KIRREL3: variants seen among roughly 807,000 people sequenced by gnomAD.
KIRREL3 encodes kirre like nephrin family adhesion molecule 3.
KIRREL3 carries 36 observed loss-of-function variants against 89.7 expected under a neutral mutation model. That is an observed-to-expected ratio of 0.40 (90% CI 0.31 to 0.53). KIRREL3 has a LOEUF of 0.53. Ranked by LOEUF, KIRREL3 falls within the 20% of genes least tolerant of loss-of-function variation. The pLI is 0.49. For synonymous variants in KIRREL3, 445 were observed against 441.4 expected (o/e 1.01, Z -0.10); for missense variants, 864 against 1,056.6 (o/e 0.82, Z 2.53).
intron 1 of KIRREL3, among the ~76,000 whole-genome samples, chr11:126,746,012 T>C (rs998745194): frequency 1.3e-5 from 2 of 152,196 alleles, no homozygotes; most frequent in African/African-American, 4.8e-5. Flanking sequence ...TTTGTGTCTC[T>C]CTTTCCTCCT....
rs2004700 is a variant in KIRREL3, at chr11:126,530,906, T to C, written c.134-4219A>G. Among the ~76,000 whole-genome samples, 58,327 of 151,766 alleles carry C rather than the reference T, an allele frequency of 0.38. 11,564 individuals carry two copies. The highest frequency in any genetic ancestry group is 0.43 in the African/African-American group (17,972 of 41,328). The stretch of plus-strand genomic sequence containing the variant: ...AGTGCAGTGGTGCGATCTCCGCTCA[T>C]TGCAACCTTTGCCTCCCGGGTTCAA... On this transcript the variant is annotated intron_variant, in intron 2 of 16. Transcript: ENST00000525144. This position sits in a 1 kb window ranked among gnomAD's most constrained non-coding sequence, Gnocchi z 5.8.
Position 126,995,508 on chromosome 11 carries a change from C to A in KIRREL3, c.55+4947G>T. On this transcript the variant is annotated intron_variant, in intron 1 of 16. Coordinates refer to ENST00000525144, the MANE Select transcript of KIRREL3 (RefSeq NM_032531.4). The surrounding 1 kb of genome is among the most constrained non-coding windows in gnomAD (Gnocchi z 6.5). ...TTTACAAGGATAAGGATTGTAGCTGCAAAATAATGCCTATGCCCCTCTAGC... is the reference window on the plus strand; with the variant it reads ...TTTACAAGGATAAGGATTGTAGCTGAAAAATAATGCCTATGCCCCTCTAGC... The A allele has an allele frequency of 2.8e-6, 1 of 362,210 alleles. No individual in the cohort carries two copies. Among genetic ancestry groups the A allele is most frequent in the Non-Finnish European group, 5.4e-6 (1 of 184,540 alleles). 22.4% of individuals were successfully genotyped at this position (362,210 alleles called of 1,614,324 possible).
At position 126,431,663 on chromosome 11, in the gene KIRREL3, A is replaced by T; in HGVS notation, c.1589-137T>A. The T allele has an allele frequency of 1.2e-6, 1 of 845,644 alleles. No homozygotes were observed. The allele number at this position is 845,644 out of a possible 1,614,324, so 52.4% of individuals were successfully genotyped here. A position where few individuals can be genotyped will look rare whatever the true frequency, so the allele number is the denominator to read the frequency against. Reference sequence around the variant, plus strand: ...GGAAATGCCTCAGTGGGGCCTGGGCAGGCACAGGCCGAGTCCAACTGGGGT... The same window carrying T: ...GGAAATGCCTCAGTGGGGCCTGGGCTGGCACAGGCCGAGTCCAACTGGGGT... On this transcript the variant is annotated intron_variant, in intron 13 of 16. Coordinates refer to ENST00000525144, the MANE Select transcript of KIRREL3 (RefSeq NM_032531.4). This position sits in a 1 kb window ranked among gnomAD's most constrained non-coding sequence, Gnocchi z 7.1.
intron 1 of KIRREL3, among the ~76,000 whole-genome samples, chr11:126,887,148 T>A (rs1235388747): frequency 6.6e-6 from 1 of 152,116 alleles, no homozygotes; most frequent in Non-Finnish European, 1.5e-5. Flanking sequence ...GCACACCAAA[T>A]TCTAGAAGGC....
intron 5 of KIRREL3, among the ~76,000 whole-genome samples, chr11:126,472,953 C>A (rs1289575661): frequency 8.1e-6 from 1 of 124,104 alleles, no homozygotes; most frequent in African/African-American, 3.2e-5. Flanking sequence ...TAAGCCCAGC[C>A]CCTCCCCAGC....
In KIRREL3 at chr11:126,794,780, C is replaced by A. The variant is rs182755520; in HGVS notation, c.55+205675G>T. On this transcript the variant is annotated intron_variant, in intron 1 of 16. Transcript: ENST00000525144. ...CAAAGGAGTTTAAAACTTACGTCCA[C>A]CTAAAAACTTCCATATGAATGTCTA... Among the ~76,000 whole-genome samples, 67 of 152,250 alleles carry A rather than the reference C, an allele frequency of 4.4e-4. No individual in the cohort carries two copies. In the East Asian group the frequency reaches 0.011, roughly 24 times the overall value.
intron 1 of KIRREL3, among the ~76,000 whole-genome samples, chr11:126,816,371 A>C (rs979054513): frequency 6.6e-6 from 1 of 152,170 alleles, no homozygotes; most frequent in African/African-American, 2.4e-5. Context: ...ACGTTTCCTG[A>C]AGTTGAGTGA....
Position 126,562,818 on chromosome 11 carries a change from G to C in KIRREL3, c.133+17C>G. On this transcript the variant is annotated intron_variant, in intron 2 of 16. Coordinates refer to ENST00000525144, the MANE Select transcript of KIRREL3 (RefSeq NM_032531.4). The surrounding 1 kb of genome is among the most constrained non-coding windows in gnomAD (Gnocchi z 4.7). The stretch of plus-strand genomic sequence containing the variant: ...CCTCCAGATTACTCCCGAGACAATG[G>C]GGAGGTTCTCACTGACCTTCATTCA... 6.2e-7 allele frequency: 1 copy of C among 1,608,718 alleles called. No individual in the cohort carries two copies. Among genetic ancestry groups the C allele is most frequent in the Non-Finnish European group, 8.5e-7 (1 of 1,175,178 alleles).
rs1227148077 is a variant in KIRREL3 at position 126,965,480 on chromosome 11, C to G, written c.55+34975G>C. On this transcript the variant is annotated intron_variant, in intron 1 of 16. Coordinates refer to ENST00000525144, the MANE Select transcript of KIRREL3 (RefSeq NM_032531.4). This position sits in a 1 kb window ranked among gnomAD's most constrained non-coding sequence, Gnocchi z 4.4. The stretch of plus-strand genomic sequence containing the variant: ...CTAATTCTCATACAATACCTCTTCT[C>G]AGTAACAAGATGCTGGTACTGAGAA... Among the ~76,000 whole-genome samples the G allele has an allele frequency of 6.6e-6, 1 of 152,128 alleles. No homozygotes were observed. The highest frequency in any genetic ancestry group is 2.4e-5 in the African/African-American group (1 of 41,420).
In KIRREL3 at chr11:126,642,675, C is replaced by T. The variant is rs556680516; in HGVS notation, c.56-79763G>A. ...ATCTTACAGGAAAGGAAAGTGGTTACGGCAGATTGCAATTGTAGGAGGAAT... is the reference window on the plus strand; with the variant it reads ...ATCTTACAGGAAAGGAAAGTGGTTATGGCAGATTGCAATTGTAGGAGGAAT... On this transcript the variant is annotated intron_variant, in intron 1 of 16. Coordinates refer to ENST00000525144, the MANE Select transcript of KIRREL3 (RefSeq NM_032531.4). This position sits in a 1 kb window ranked among gnomAD's most constrained non-coding sequence, Gnocchi z 4.9. 2.1e-4 allele frequency among the ~76,000 whole-genome samples: 32 copies of T among 152,238 alleles called. No homozygotes were observed. Among genetic ancestry groups the T allele is most frequent in the Non-Finnish European group, 3.2e-4 (22 of 68,024 alleles).
intron 1 of KIRREL3, among the ~76,000 whole-genome samples, chr11:126,937,894 G>A (rs9787823): frequency 0.17 from 25,126 of 152,016 alleles, 2,103 homozygotes; most frequent in East Asian, 0.27. Flanking sequence ...GCGAGACTCC[G>A]TCCCACAAAA....
Position 126,576,612 on chromosome 11 carries a change from C to T in KIRREL3, c.56-13700G>A, listed in dbSNP as rs922182917. Among the ~76,000 whole-genome samples, 1 of 152,236 alleles carries T rather than the reference C, an allele frequency of 6.6e-6. No individual in the cohort carries two copies. ...TCAAAATGCTGTCACCAAACCCTCT[C>T]TCAGGCTGGCAGTGTGCCACCCACC... On this transcript the variant is annotated intron_variant, in intron 1 of 16. Coordinates refer to ENST00000525144, the MANE Select transcript of KIRREL3 (RefSeq NM_032531.4). This position sits in a 1 kb window ranked among gnomAD's most constrained non-coding sequence, Gnocchi z 5.4.
chr11:126,913,286 G>A (rs575309320), intron 1 of KIRREL3, among the ~76,000 whole-genome samples: 3 of 152,186 alleles, frequency 2.0e-5, no homozygotes, highest in Non-Finnish European at 4.4e-5. Context: ...ATTATTTAGG[G>A]AAATGAGCAG....
At chr11:126,700,467 T>A (rs1947271492) in intron 1 of KIRREL3, among the ~76,000 whole-genome samples, 1 of 152,228 alleles carries the variant, frequency 6.6e-6, no homozygotes, top group African/African-American at 2.4e-5. Flanking sequence ...AATTATTAGA[T>A]TGGTGCAAAA....
rs1209096231 is a variant in KIRREL3 at position 126,551,565 on chromosome 11, A to G, written c.133+11270T>C. ...TTTCAACCACTGATCCCTTACAGCA[A>G]AAGAATATATATGATCATTTAACAA... On this transcript the variant is annotated intron_variant, in intron 2 of 16. Coordinates refer to ENST00000525144, the MANE Select transcript of KIRREL3 (RefSeq NM_032531.4). The surrounding 1 kb of genome is among the most constrained non-coding windows in gnomAD (Gnocchi z 4.9). 1.3e-5 allele frequency among the ~76,000 whole-genome samples: 2 copies of G among 152,168 alleles called. No homozygotes were observed. Among genetic ancestry groups the G allele is most frequent in the African/African-American group, 2.4e-5 (1 of 41,456 alleles).
At chr11:126,433,437 C>T (rs191182641) in intron 13 of KIRREL3, among the ~76,000 whole-genome samples, 1 of 152,276 alleles carries the variant, frequency 6.6e-6, no homozygotes, top group African/African-American at 2.4e-5. Flanking sequence ...AGCTGGCGCC[C>T]CTGGCTGGCA....
chr11:126,528,161 C>T lies in KIRREL3; in HGVS notation c.134-1474G>A, dbSNP rs1210420837. Among the ~76,000 whole-genome samples the T allele has an allele frequency of 6.6e-6, 1 of 152,220 alleles. No homozygotes were observed. Among genetic ancestry groups the T allele is most frequent in the Non-Finnish European group, 1.5e-5 (1 of 68,034 alleles). ...CCCTCCCTTTTTCCTACCTCCTGCTCTACAGACCCAGACCTAACCGAGGCA... is the reference window on the plus strand; with the variant it reads ...CCCTCCCTTTTTCCTACCTCCTGCTTTACAGACCCAGACCTAACCGAGGCA... On this transcript the variant is annotated intron_variant, in intron 2 of 16. Coordinates refer to ENST00000525144, the MANE Select transcript of KIRREL3 (RefSeq NM_032531.4). The surrounding 1 kb of genome is among the most constrained non-coding windows in gnomAD (Gnocchi z 4.6).
In KIRREL3 at chr11:126,705,646, C is replaced by G. The variant is rs553218682; in HGVS notation, c.56-142734G>C. On this transcript the variant is annotated intron_variant, in intron 1 of 16. Transcript: ENST00000525144. This position sits in a 1 kb window ranked among gnomAD's most constrained non-coding sequence, Gnocchi z 4.3. The stretch of plus-strand genomic sequence containing the variant: ...TTCTTTATAGTAATGTAAGAATGGT[C>G]TAACACTACGTATGTGCAAGTGTAT... Among the ~76,000 whole-genome samples, 1 of 151,686 alleles carries G rather than the reference C, an allele frequency of 6.6e-6. No homozygotes were observed. The highest frequency in any genetic ancestry group is 1.9e-4 in the East Asian group (1 of 5,186).
At chr11:126,442,997 C>T (rs538780791) in intron 10 of KIRREL3, among the ~76,000 whole-genome samples, 5 of 152,328 alleles carry the variant, frequency 3.3e-5, no homozygotes, top group South Asian at 2.1e-4. Context: ...GTGCCCTCCC[C>T]GTCCAAGAGA....
Sources: allele counts gnomAD v4.1 joint callset (sites outside exome capture counted in the v4.1 genomes callset), GRCh38; gene constraint gnomAD v4.1.1; non-coding constraint Gnocchi (gnomAD v3.1); transcripts MANE v1.5; gene names NCBI Gene and HGNC (gene_info 2026-07-23, HGNC 2026-07-21).